Variants in C11orf71 observed in about 807,000 individuals in gnomAD.
C11orf71 encodes chromosome 11 open reading frame 71, also known as uncharacterized protein C11orf71.
For synonymous variants in C11orf71, 72 were observed against 73.4 expected, an observed-to-expected ratio of 0.98 and a Z score of 0.09; for missense variants, 179 against 167.6, an observed-to-expected ratio of 1.07 and a Z score of -0.38.
chr11:114,398,066 T>C (rs1257005077), downstream of C11orf71, among the ~76,000 whole-genome samples: 1 of 152,234 alleles, frequency 6.6e-6, no homozygotes, highest in Middle Eastern at 3.2e-3. Context: ...CTCTGAACTT[T>C]CTGGCAGCTA....
downstream of C11orf71, among the ~76,000 whole-genome samples, chr11:114,396,048 C>T (rs914598604): frequency 2.0e-5 from 3 of 152,290 alleles, no homozygotes; most frequent in African/African-American, 2.4e-5. Flanking sequence ...CCCGACCAAT[C>T]GTGCCCCACT....
chr11:114,394,574 C>T (rs1427519317), downstream of C11orf71, among the ~76,000 whole-genome samples: 27 of 151,858 alleles, frequency 1.8e-4, 1 homozygote, highest in Admixed American at 1.8e-3. Context: ...GGATTACAGG[C>T]GTGAGCCACT....
chr11:114,394,193 C>CTT (rs1200009241), downstream of C11orf71, among the ~76,000 whole-genome samples: 3 of 48,784 alleles, frequency 6.1e-5, no homozygotes, highest in South Asian at 6.3e-4. Flanking sequence ...CTTTTCTTTT[C>CTT]TTTTCTTTTC....
Position 114,399,928 on chromosome 11 carries a change from A to G in C11orf71, c.*32T>C. The G allele has an allele frequency of 6.4e-7, 1 of 1,555,134 alleles. No homozygotes were observed. The highest frequency in any genetic ancestry group is 8.7e-7 in the Non-Finnish European group (1 of 1,147,656). Reference sequence around the variant, plus strand: ...AGGATTTTAAAAAGGCCTGTTCACAAGCTAAGTGAGGGCCAGAGGAAAGGT... The same window carrying G: ...AGGATTTTAAAAAGGCCTGTTCACAGGCTAAGTGAGGGCCAGAGGAAAGGT... On this transcript the variant is annotated 3_prime_UTR_variant, in exon 1 of 1. Coordinates refer to ENST00000623205, the MANE Select transcript of C11orf71 (RefSeq NM_001271562.2).
chr11:114,394,278 T>TC (rs1565256754), downstream of C11orf71, among the ~76,000 whole-genome samples: 39 of 79,638 alleles, frequency 4.9e-4, 1 homozygote, highest in African/African-American at 2.5e-3. Flanking sequence ...TTTTCTTTTC[T>TC]TTTCTTTTCT....
chr11:114,399,864 T>C lies in C11orf71; in HGVS notation c.*96A>G. ...CACGTATTAAATGAAAATACATCCA[T>C]CTAAAAATAAAACAACACGATTGCT... On this transcript the variant is annotated 3_prime_UTR_variant, in exon 1 of 1. Coordinates refer to ENST00000623205, the MANE Select transcript of C11orf71 (RefSeq NM_001271562.2). 2 of 1,424,832 alleles carry C rather than the reference T, an allele frequency of 1.4e-6. No homozygotes were observed. The highest frequency in any genetic ancestry group is 1.8e-6 in the Non-Finnish European group (2 of 1,081,724). 88.3% of individuals were successfully genotyped at this position (1,424,832 alleles called of 1,614,324 possible). A position where few individuals can be genotyped will look rare whatever the true frequency, so the allele number is the denominator to read the frequency against.
chr11:114,400,404 G>GTGGATAAAGAAAA lies in C11orf71; in HGVS notation c.-74_-73insTTTTCTTTATCCA. On this transcript the variant is annotated 5_prime_UTR_variant, in exon 1 of 1. An upstream open reading frame in the 5' UTR loses its in-frame stop. Coordinates refer to ENST00000623205, the MANE Select transcript of C11orf71 (RefSeq NM_001271562.2). The stretch of plus-strand genomic sequence containing the variant: ...AGGCCCTTCGCGGCTCCCCAGATCA[G>GTGGATAAAGAAAA]TCCAGCCTGTGTCGGACCCGATGAC... 6.7e-7 allele frequency: 1 copy of GTGGATAAAGAAAA among 1,489,720 alleles called. No homozygotes were observed. The highest frequency in any genetic ancestry group is 8.9e-7 in the Non-Finnish European group (1 of 1,117,378). The allele number at this position is 1,489,720 out of a possible 1,614,324, so 92.3% of individuals were successfully genotyped here. A position where few individuals can be genotyped will look rare whatever the true frequency, so the allele number is the denominator to read the frequency against.
rs1435063798 is a variant in C11orf71, at chr11:114,400,033, T to C, written c.299A>G (p.Asp100Gly). ...CTGTTGCAGCACACTTCTTAGGAGA[T>C]CGGGTTCAACGGCAGGGATTGGGTA... ...SPYPIPAVEP[D>G]LLRSVLQQRL... Residue 100 changes from aspartate to glycine, a missense_variant, in exon 1 of 1, where the codon GAT (aspartate) becomes GGT (glycine). Coordinates refer to ENST00000623205, the MANE Select transcript of C11orf71 (RefSeq NM_001271562.2). 1 of 1,614,020 alleles carries C rather than the reference T, an allele frequency of 6.2e-7. No individual in the cohort carries two copies. Among genetic ancestry groups the C allele is most frequent in the Admixed American group, 1.7e-5 (1 of 60,028 alleles).
chr11:114,391,722 T>C, intron 1 of C11orf71: 2 of 693,134 alleles, frequency 2.9e-6, no homozygotes, highest in Non-Finnish European at 2.3e-6. Flanking sequence ...TAACCAAAAA[T>C]GCATGTCCCA....
chr11:114,394,188 C>CTTT (rs774640964), downstream of C11orf71, among the ~76,000 whole-genome samples: 10 of 47,466 alleles, frequency 2.1e-4, no homozygotes, highest in East Asian at 8.8e-4. Context: ...CGTTTCTTTT[C>CTTT]TTTTCTTTTC....
chr11:114,394,667 C>T (rs1250222441), downstream of C11orf71, among the ~76,000 whole-genome samples: 2 of 152,016 alleles, frequency 1.3e-5, no homozygotes, highest in Admixed American at 1.3e-4. Flanking sequence ...CTCGGCCTCC[C>T]AAAGTGCTGG....
chr11:114,394,178 C>CTTCTTTTCTTTT (rs1565256269), downstream of C11orf71, among the ~76,000 whole-genome samples: 9 of 81,140 alleles, frequency 1.1e-4, no homozygotes, highest in African/African-American at 3.8e-4. Context: ...GACGGGGTTT[C>CTTCTTTTCTTTT]GTTTCTTTTC....
downstream of C11orf71, among the ~76,000 whole-genome samples, chr11:114,394,183 C>T (rs888917818): frequency 5.4e-4 from 23 of 42,302 alleles, no homozygotes; most frequent in East Asian, 8.9e-3. Flanking sequence ...GGTTTCGTTT[C>T]TTTTCTTTTC....
At chr11:114,397,432 TG>T (rs1478055850), downstream of C11orf71, among the ~76,000 whole-genome samples, 1 of 152,240 alleles carries the variant, frequency 6.6e-6, no homozygotes, top group Non-Finnish European at 1.5e-5. Context: ...AGGGTCACAT[TG>T]TAACTTGAAT....
At chr11:114,392,955 A>C (rs937241459) in intron 1 of C11orf71, among the ~76,000 whole-genome samples, 4 of 152,182 alleles carry the variant, frequency 2.6e-5, no homozygotes, top group African/African-American at 9.6e-5. Context: ...CTGAAGGCTA[A>C]ATCTAGCCCT....
downstream of C11orf71, among the ~76,000 whole-genome samples, chr11:114,398,171 C>T (rs934787396): frequency 2.0e-5 from 3 of 152,182 alleles, no homozygotes; most frequent in African/African-American, 7.2e-5. Context: ...TATTCTTCTT[C>T]CCCAGTCTAA....
At position 114,400,007 on chromosome 11, in the gene C11orf71, G is replaced by A. The variant is rs1216611527; in HGVS notation, c.325C>T (p.Arg109Cys). Residue 109 changes from arginine to cysteine, a missense_variant, in exon 1 of 1, where the codon CGT (arginine) becomes TGT (cysteine). Transcript: ENST00000623205. ...ATAACACCTCCTAATGCAATCAAAC[G>A]CTGTTGCAGCACACTTCTTAGGAGA... is the stretch of plus-strand genomic sequence containing the variant. ...PDLLRSVLQQ[R>C]LIALGGVIAA... The A allele has an allele frequency of 1.2e-6, 2 of 1,612,968 alleles. No homozygotes were observed. Among genetic ancestry groups the A allele is most frequent in the Admixed American group, 1.7e-5 (1 of 59,972 alleles).
chr11:114,392,059 T>C (rs1023965924), intron 1 of C11orf71, among the ~76,000 whole-genome samples: 1 of 152,190 alleles, frequency 6.6e-6, no homozygotes, highest in Admixed American at 6.5e-5. Flanking sequence ...TTTACTTGAA[T>C]GGTAAGTATA....
downstream of C11orf71, among the ~76,000 whole-genome samples, chr11:114,394,193 C>CTTT (rs1200009241): frequency 1.8e-4 from 9 of 48,788 alleles, no homozygotes; most frequent in East Asian, 3.4e-3. Flanking sequence ...CTTTTCTTTT[C>CTTT]TTTTCTTTTC....
Sources: allele counts gnomAD v4.1 joint callset (sites outside exome capture counted in the v4.1 genomes callset), GRCh38; gene constraint gnomAD v4.1.1; transcripts MANE v1.5; gene names NCBI Gene and HGNC (gene_info 2026-07-23, HGNC 2026-07-21).